Variants in CCDC171 observed in about 807,000 individuals in gnomAD.
CCDC171 encodes the protein coiled-coil domain containing 171.
A neutral mutation model predicts 168.2 loss-of-function variants in CCDC171; 177 were observed. The observed-to-expected ratio is 1.05, with a 90% confidence interval of 0.93 to 1.19. CCDC171 has a LOEUF of 1.19. CCDC171 is among the 50% of genes most tolerant of loss of function. The pLI is 0.00. For synonymous variants in CCDC171, 687 were observed against 540.8 expected, an observed-to-expected ratio of 1.27 and a Z score of -3.75; for missense variants, 1,991 against 1,539.0, an observed-to-expected ratio of 1.29 and a Z score of -4.91.
At chr9:15,578,480 G>C (rs2040853072) in intron 3 of CCDC171, among the ~76,000 whole-genome samples, 1 of 149,364 alleles carries the variant, frequency 6.7e-6, no homozygotes, top group Non-Finnish European at 1.5e-5. Context: ...ATGTGGCCCG[G>C]GCTGGTCTTG....
rs1346167808 is a variant in CCDC171, at chr9:15,571,578, T to C, written c.42-46T>C. 3 of 1,418,738 alleles carry C rather than the reference T, an allele frequency of 2.1e-6. No individual in the cohort carries two copies. In the African/African-American group the frequency reaches 4.5e-5, roughly 21 times the overall value. The allele number at this position is 1,418,738 out of a possible 1,614,324, so 87.9% of individuals were successfully genotyped here. A position where few individuals can be genotyped will look rare whatever the true frequency, so the allele number is the denominator to read the frequency against. On this transcript the variant is annotated intron_variant, in intron 2 of 25. Transcript: ENST00000380701. ...AAAATATCAGAAATGCTCTGAAATG[T>C]GCTTTATGAGAAGCATATACATTTT...
chr9:15,750,065 A>G (rs973331870), intron 18 of CCDC171, among the ~76,000 whole-genome samples: 2 of 152,014 alleles, frequency 1.3e-5, no homozygotes, highest in Non-Finnish European at 2.9e-5. Context: ...GATCAACAAA[A>G]TAGACTGCTA....
chr9:15,929,265 A>T (rs981019215), intron 25 of CCDC171, among the ~76,000 whole-genome samples: 1 of 151,822 alleles, frequency 6.6e-6, no homozygotes, highest in Non-Finnish European at 1.5e-5. Flanking sequence ...AATTATTCCT[A>T]TTAGTTTTTC....
chr9:15,719,734 T>A (rs1303537738), intron 11 of CCDC171, among the ~76,000 whole-genome samples: 1 of 152,178 alleles, frequency 6.6e-6, no homozygotes, highest in African/African-American at 2.4e-5. Context: ...TCAGCACTCA[T>A]ATTAAGATGA....
At chr9:15,695,029 A>G (rs571625279) in intron 10 of CCDC171, among the ~76,000 whole-genome samples, 85 of 152,326 alleles carry the variant, frequency 5.6e-4, no homozygotes, top group Admixed American at 1.5e-3. Flanking sequence ...CCAGGCACTA[A>G]CTCCTCAGTA....
chr9:15,932,106 C>T (rs2987066), intron 25 of CCDC171, among the ~76,000 whole-genome samples: 126,860 of 151,920 alleles, frequency 0.84, 53,052 homozygotes, highest in East Asian at 0.96. Context: ...TGTATGTGGT[C>T]TCACATGAAT....
At chr9:15,994,783 T>G (rs1318730780) in intron 3 of CCDC171, among the ~76,000 whole-genome samples, 1 of 152,204 alleles carries the variant, frequency 6.6e-6, no homozygotes, top group Non-Finnish European at 1.5e-5. Flanking sequence ...TTTTGGCTAT[T>G]TCACCATCAG....
intron 25 of CCDC171, among the ~76,000 whole-genome samples, chr9:15,950,552 C>A (rs1031444589): frequency 3.6e-4 from 55 of 151,994 alleles, no homozygotes; most frequent in African/African-American, 1.3e-3. Context: ...GAAATAAAAT[C>A]CTTAACAGAC....
At chr9:16,000,456 G>C (rs1832507203) in intron 3 of CCDC171, among the ~76,000 whole-genome samples, 2 of 152,186 alleles carry the variant, frequency 1.3e-5, no homozygotes, top group African/African-American at 4.8e-5. Flanking sequence ...TTTCTAGGTA[G>C]AAAAAAATTT....
chr9:15,962,863 G>A (rs915200427), intron 25 of CCDC171, among the ~76,000 whole-genome samples: 1 of 150,774 alleles, frequency 6.6e-6, no homozygotes, highest in African/African-American at 2.4e-5. Flanking sequence ...ATGTATGTGT[G>A]TTTATGCTTA....
intron 18 of CCDC171, among the ~76,000 whole-genome samples, chr9:15,749,501 C>T (rs1043726813): frequency 8.5e-5 from 13 of 152,186 alleles, no homozygotes; most frequent in African/African-American, 2.9e-4. Flanking sequence ...CTCTCCACCC[C>T]AAATCAAAGG....
intron 7 of CCDC171, among the ~76,000 whole-genome samples, chr9:15,644,407 G>T (rs530760370): frequency 6.6e-6 from 1 of 152,230 alleles, no homozygotes; most frequent in East Asian, 1.9e-4. Context: ...AGGACAGTGG[G>T]TGCAGCCCAG....
In CCDC171 at chr9:15,821,536, A is replaced by G. The variant is rs1471584711; in HGVS notation, c.3268-25166A>G. 1.7e-5 allele frequency among the ~76,000 whole-genome samples: 2 copies of G among 117,638 alleles called. 1 individual carries two copies. Among genetic ancestry groups the G allele is most frequent in the African/African-American group, 6.4e-5 (2 of 31,266 alleles). 77.2% of individuals were successfully genotyped at this position (117,638 alleles called of 152,430 possible). On this transcript the variant is annotated intron_variant, in intron 21 of 25. Transcript: ENST00000380701. ...GCAAAAGTCACAAGCATTCTTATAC[A>G]CCAATAACAGACAAACAGCCAAATC... is the stretch of plus-strand genomic sequence containing the variant.
intron 3 of CCDC171, among the ~76,000 whole-genome samples, chr9:16,001,043 CA>C (rs1832527662): frequency 6.6e-6 from 1 of 152,008 alleles, no homozygotes; most frequent in African/African-American, 2.4e-5. Flanking sequence ...CCAAACTTGC[CA>C]AGAGGGTTGT....
intron 3 of CCDC171, among the ~76,000 whole-genome samples, chr9:16,008,086 G>GT (rs1168779310): frequency 1.3e-5 from 2 of 151,972 alleles, no homozygotes; most frequent in African/African-American, 2.4e-5. Context: ...CTTTAATGAC[G>GT]TCAAGTTTAT....
intron 24 of CCDC171, among the ~76,000 whole-genome samples, chr9:15,897,448 T>C (rs761323176): frequency 1.3e-5 from 2 of 152,154 alleles, no homozygotes; most frequent in African/African-American, 2.4e-5. Context: ...CATGCTTTGA[T>C]AGAATAGAGA....
At chr9:16,107,333 C>A in the CCDC171 span, among the ~76,000 whole-genome samples, 3 of 152,076 alleles carry the variant, frequency 2.0e-5, no homozygotes, top group Admixed American at 1.3e-4. Context: ...AATTCGAATA[C>A]CCAAATATAC....
At chr9:15,706,207 C>T (rs2052209901) in intron 11 of CCDC171, among the ~76,000 whole-genome samples, 1 of 151,364 alleles carries the variant, frequency 6.6e-6, no homozygotes, top group Non-Finnish European at 1.5e-5. Flanking sequence ...CTGCTTTGAA[C>T]CCATGTAGTC....
At chr9:16,094,620 G>A in the CCDC171 span, among the ~76,000 whole-genome samples, 1 of 152,158 alleles carries the variant, frequency 6.6e-6, no homozygotes, top group African/African-American at 2.4e-5. Flanking sequence ...GATGTATATG[G>A]AAATGAGTTT....
Sources: allele counts gnomAD v4.1 joint callset (sites outside exome capture counted in the v4.1 genomes callset), GRCh38; gene constraint gnomAD v4.1.1; transcripts MANE v1.5; gene names NCBI Gene and HGNC (gene_info 2026-07-23, HGNC 2026-07-21).